Variants in MAST4 observed in about 807,000 individuals in gnomAD.
The protein encoded by MAST4 is microtubule associated serine/threonine kinase family member 4.
MAST4 carries 89 observed loss-of-function variants against 162.7 expected under a neutral mutation model. The ratio of observed to expected loss-of-function variants is 0.55; its 90% CI spans 0.46 to 0.65. MAST4 has a LOEUF of 0.65. MAST4 is among the 30% of genes least tolerant of loss of function. MAST4 has a pLI of 0.00. For missense variants in MAST4, 3,153 were observed against 3,374.0 expected, an observed-to-expected ratio of 0.93 and a Z score of 1.62; for synonymous variants, 1,479 against 1,361.1, an observed-to-expected ratio of 1.09 and a Z score of -1.91.
At chr5:66,888,633 G>C (rs1762188589) in intron 3 of MAST4, among the ~76,000 whole-genome samples, 1 of 152,172 alleles carries the variant, frequency 6.6e-6, no homozygotes, top group South Asian at 2.1e-4. Context: ...GTTCATAAAA[G>C]AATATTGATT....
intron 4 of MAST4, among the ~76,000 whole-genome samples, chr5:66,994,336 C>T (rs1157805067): frequency 2.0e-5 from 3 of 152,100 alleles, no homozygotes; most frequent in Non-Finnish European, 4.4e-5. Context: ...ATTTGCTTTT[C>T]TTTTCAGTTT....
chr5:67,111,848 G>T (rs1766282782), intron 11 of MAST4, among the ~76,000 whole-genome samples: 1 of 152,176 alleles, frequency 6.6e-6, no homozygotes, highest in Non-Finnish European at 1.5e-5. Flanking sequence ...CTTACAAGTA[G>T]CTTGGAAATA....
intron 1 of MAST4, among the ~76,000 whole-genome samples, chr5:66,689,213 C>T (rs1748883659): frequency 6.6e-6 from 1 of 152,026 alleles, no homozygotes; most frequent in East Asian, 1.9e-4. Flanking sequence ...CATTAATTGG[C>T]ACTTAGTATT....
intron 4 of MAST4, among the ~76,000 whole-genome samples, chr5:66,926,714 T>C (rs1460125699): frequency 6.6e-6 from 1 of 152,128 alleles, no homozygotes; most frequent in Non-Finnish European, 1.5e-5. Context: ...CTTGAATACA[T>C]TGATAGTTTT....
chr5:66,865,015 C>T (rs1158750648), intron 3 of MAST4, among the ~76,000 whole-genome samples: 2 of 152,062 alleles, frequency 1.3e-5, no homozygotes, highest in Non-Finnish European at 2.9e-5. Flanking sequence ...AGTTGTTTGG[C>T]CCATGAAAGA....
At chr5:66,673,087 T>C (rs185554030) in intron 1 of MAST4, among the ~76,000 whole-genome samples, 2 of 152,334 alleles carry the variant, frequency 1.3e-5, no homozygotes, top group East Asian at 1.9e-4. Flanking sequence ...TGTGTGAGTG[T>C]TTTTCTCTTC....
chr5:67,030,818 G>T (rs37483), intron 4 of MAST4, among the ~76,000 whole-genome samples: 19,461 of 152,062 alleles, frequency 0.13, 1,372 homozygotes, highest in Middle Eastern at 0.22. Context: ...TATCTCAAAC[G>T]CTATGTTTTT....
At chr5:66,668,576 C>T (rs569122650) in intron 1 of MAST4, among the ~76,000 whole-genome samples, 7 of 152,252 alleles carry the variant, frequency 4.6e-5, no homozygotes, top group East Asian at 1.9e-4. Context: ...AAGAGGAAGA[C>T]GACTCTTCTC....
chr5:66,805,914 A>C (rs1357289954), intron 3 of MAST4, among the ~76,000 whole-genome samples: 1 of 152,184 alleles, frequency 6.6e-6, no homozygotes, highest in East Asian at 1.9e-4. Context: ...CTTTGATTTT[A>C]TGAAGGGAGA....
intron 1 of MAST4, among the ~76,000 whole-genome samples, chr5:66,637,244 T>TC: frequency 6.6e-6 from 1 of 151,518 alleles, no homozygotes; most frequent in Middle Eastern, 3.4e-3. Context: ...TTCCATTCTT[T>TC]TTTTTTTTTT....
chr5:66,883,354 A>G (rs1479843929), intron 3 of MAST4, among the ~76,000 whole-genome samples: 1 of 151,824 alleles, frequency 6.6e-6, no homozygotes, highest in Non-Finnish European at 1.5e-5. Flanking sequence ...ATTTGCCAAT[A>G]GGGAAAAGAG....
intron 4 of MAST4, among the ~76,000 whole-genome samples, chr5:67,039,664 A>G (rs1024127066): frequency 6.6e-6 from 1 of 152,182 alleles, no homozygotes; most frequent in African/African-American, 2.4e-5. Flanking sequence ...GACTGAAACC[A>G]CAGTTAAACT....
At chr5:67,030,002 A>C (rs1755112282) in intron 4 of MAST4, among the ~76,000 whole-genome samples, 1 of 151,964 alleles carries the variant, frequency 6.6e-6, no homozygotes, top group Admixed American at 6.6e-5. Flanking sequence ...GTTTAATGAA[A>C]TTTTTTCAAT....
intron 9 of MAST4, among the ~76,000 whole-genome samples, chr5:67,103,740 GA>G (rs1765286637): frequency 1.3e-5 from 2 of 152,166 alleles, no homozygotes; most frequent in Admixed American, 1.3e-4. Context: ...AACCTAGCCC[GA>G]AAGATACATT....
At chr5:66,673,308 G>T (rs934545059) in intron 1 of MAST4, among the ~76,000 whole-genome samples, 1 of 151,942 alleles carries the variant, frequency 6.6e-6, no homozygotes, top group Non-Finnish European at 1.5e-5. Context: ...TGTTATTATA[G>T]TCATCAGTTT....
At chr5:66,993,920 A>ACCCCCCCCCCCCCCCC (rs55759396) in intron 4 of MAST4, among the ~76,000 whole-genome samples, 3 of 57,688 alleles carry the variant, frequency 5.2e-5, no homozygotes, top group Admixed American at 2.0e-4. Context: ...TGTGCAGAAG[A>ACCCCCCCCCCCCCCCC]CCCCCCCCCC....
chr5:66,636,511 T>A (rs777770495), intron 1 of MAST4, among the ~76,000 whole-genome samples: 43 of 152,266 alleles, frequency 2.8e-4, no homozygotes, highest in Non-Finnish European at 5.1e-4. Context: ...GTGGTGGTGG[T>A]TAGCACAATG....
chr5:67,134,365 A>G (rs938162250), intron 17 of MAST4, among the ~76,000 whole-genome samples, 158 bp from the exon 18 acceptor site: 12 of 152,206 alleles, frequency 7.9e-5, no homozygotes, highest in African/African-American at 2.9e-4. Context: ...GGTATTTTAA[A>G]TATCTTTTTA....
intron 1 of MAST4, among the ~76,000 whole-genome samples, chr5:66,635,975 T>TTTTTTTTC (rs1386965157): frequency 8.8e-6 from 1 of 113,512 alleles, no homozygotes; most frequent in African/African-American, 3.9e-5. Context: ...TTTTTTTTTT[T>TTTTTTTTC]CGAGACAGAG....
Sources: gnomAD v4.1 joint callset for allele counts (sites outside exome capture counted in the v4.1 genomes callset) on GRCh38, gnomAD v4.1.1 for gene constraint, MANE v1.5 for transcripts, NCBI Gene and HGNC (gene_info 2026-07-23, HGNC 2026-07-21) for gene names.